Variants in NPAS3 observed in about 807,000 individuals in gnomAD.
NPAS3 encodes neuronal PAS domain protein 3.
In NPAS3, 14 loss-of-function variants were observed where a neutral mutation model predicts 73.1. The observed-to-expected ratio is 0.19, with a 90% CI of 0.13 to 0.30. The LOEUF is 0.30. Among genes scored for constraint, NPAS3 ranks in the 10% least tolerant of loss-of-function variants. The pLI, the probability that NPAS3 is intolerant of heterozygous loss-of-function variation, is 1.00. For synonymous variants in NPAS3, 620 were observed against 541.5 expected (o/e 1.14, Z -2.01); for missense variants, 1,096 against 1,250.0 (o/e 0.88, Z 1.86).
chr14:33,215,599 C>A, intron 3 of NPAS3, 173 bp downstream of exon 3: 2 of 781,818 alleles, frequency 2.6e-6, no homozygotes, highest in South Asian at 1.5e-5. Flanking sequence ...TGAAATAAAC[C>A]TCTTATTTTT....
chr14:33,118,883 C>G (rs902016889), intron 2 of NPAS3, among the ~76,000 whole-genome samples: 10 of 151,502 alleles, frequency 6.6e-5, no homozygotes, highest in Non-Finnish European at 1.0e-4. Flanking sequence ...CCTTTTTTCT[C>G]TGTTATCTAG....
At chr14:33,610,361 C>G (rs188976572) in intron 5 of NPAS3, among the ~76,000 whole-genome samples, 98 of 152,250 alleles carry the variant, frequency 6.4e-4, no homozygotes, top group Non-Finnish European at 8.7e-4. Context: ...GCCTCTCCAT[C>G]ATCTCCTCAT....
Position 33,022,643 on chromosome 14 carries a change from C to G in NPAS3, c.51-33262C>G, listed in dbSNP as rs537060708. On this transcript the variant is annotated intron_variant, in intron 1 of 11. Transcript: ENST00000356141. The stretch of plus-strand genomic sequence containing the variant: ...TCGCGCCACCGCACTCCAGCCTGGG[C>G]GACAGAGCGAGACTCCGTCCCAAAA... Among the ~76,000 whole-genome samples, 581 of 120,836 alleles carry G rather than the reference C, an allele frequency of 4.8e-3. 4 individuals carry two copies. The highest frequency in any genetic ancestry group is 0.022 in the Middle Eastern group (3 of 134). 79.3% of individuals were successfully genotyped at this position (120,836 alleles called of 152,430 possible).
At chr14:33,318,801 A>G (rs182101616) in intron 3 of NPAS3, among the ~76,000 whole-genome samples, 28 of 152,286 alleles carry the variant, frequency 1.8e-4, no homozygotes, top group Non-Finnish European at 1.3e-4. Flanking sequence ...CCTTCAAGTT[A>G]CAACTTAAAT....
At chr14:33,793,385 G>C (rs888470251) in intron 9 of NPAS3, among the ~76,000 whole-genome samples, 2 of 152,186 alleles carry the variant, frequency 1.3e-5, no homozygotes, top group African/African-American at 4.8e-5. Context: ...AATTCTGTTA[G>C]ACAAGATCAA....
At chr14:33,530,559 C>T (rs58128076) in intron 4 of NPAS3, among the ~76,000 whole-genome samples, 93 of 152,072 alleles carry the variant, frequency 6.1e-4, no homozygotes, top group African/African-American at 2.2e-3. Flanking sequence ...TTTGAAAAAC[C>T]CTTGACACAT....
intron 1 of NPAS3, among the ~76,000 whole-genome samples, chr14:33,010,328 C>T (rs1317760643): frequency 6.6e-6 from 1 of 152,080 alleles, no homozygotes; most frequent in Non-Finnish European, 1.5e-5. Flanking sequence ...AACTGCATAC[C>T]TATTATATTT....
chr14:33,722,641 T>C (rs1199278173), intron 6 of NPAS3, among the ~76,000 whole-genome samples: 1 of 152,028 alleles, frequency 6.6e-6, no homozygotes, highest in Non-Finnish European at 1.5e-5. Context: ...TGAAACTTAT[T>C]AGGATCATGA....
At chr14:33,564,511 G>C (rs12891882) in intron 5 of NPAS3, among the ~76,000 whole-genome samples, 35,985 of 152,138 alleles carry the variant, frequency 0.24, 4,330 homozygotes, top group African/African-American at 0.27. Context: ...CTGTGCGGAA[G>C]ACCATCGGAG....
At chr14:33,466,873 C>T (rs1469993503) in intron 4 of NPAS3, among the ~76,000 whole-genome samples, 1 of 152,128 alleles carries the variant, frequency 6.6e-6, no homozygotes, top group Non-Finnish European at 1.5e-5. Flanking sequence ...ACAGGCCCCA[C>T]CTCCGACACT....
At chr14:33,686,809 C>A (rs559330043) in intron 6 of NPAS3, among the ~76,000 whole-genome samples, 5 of 152,124 alleles carry the variant, frequency 3.3e-5, no homozygotes, top group African/African-American at 7.2e-5. Context: ...CCTGAGACCA[C>A]CAGCAGCTAG....
intron 4 of NPAS3, among the ~76,000 whole-genome samples, chr14:33,398,727 A>G (rs1296126890): frequency 6.6e-6 from 1 of 152,122 alleles, no homozygotes; most frequent in Non-Finnish European, 1.5e-5. Flanking sequence ...GTGCTCATCT[A>G]TTCTTTGGAA....
chr14:33,264,286 G>T (rs1028225545), intron 3 of NPAS3, among the ~76,000 whole-genome samples: 16 of 151,960 alleles, frequency 1.1e-4, no homozygotes, highest in African/African-American at 3.6e-4. Flanking sequence ...GTAGGGGGAG[G>T]GGGGAAGGAT....
At chr14:33,103,866 G>A (rs145861193) in intron 2 of NPAS3, among the ~76,000 whole-genome samples, 1 of 152,274 alleles carries the variant, frequency 6.6e-6, no homozygotes, top group East Asian at 1.9e-4. Flanking sequence ...TTCAGTGAGG[G>A]TAGAGCTGCA....
chr14:33,189,447 G>A (rs559404811), intron 2 of NPAS3, among the ~76,000 whole-genome samples: 1 of 152,296 alleles, frequency 6.6e-6, no homozygotes. Context: ...GCCCCATGGC[G>A]GCCTTTGTTA....
At chr14:33,189,872 A>T (rs1431992853) in intron 2 of NPAS3, among the ~76,000 whole-genome samples, 1 of 152,200 alleles carries the variant, frequency 6.6e-6, no homozygotes, top group African/African-American at 2.4e-5. Context: ...CTTTTTCATT[A>T]TCGATACATA....
At chr14:33,273,760 T>C (rs923752942) in intron 3 of NPAS3, among the ~76,000 whole-genome samples, 18 of 152,196 alleles carry the variant, frequency 1.2e-4, no homozygotes, top group African/African-American at 4.3e-4. Flanking sequence ...TGTAACTACC[T>C]GAAGGCAGGG....
chr14:33,453,897 C>T (rs1047563984), intron 4 of NPAS3, among the ~76,000 whole-genome samples: 5 of 152,188 alleles, frequency 3.3e-5, no homozygotes, highest in African/African-American at 1.2e-4. Flanking sequence ...ACCACGTTAG[C>T]CAGGCCGGTC....
At chr14:33,700,111 G>GTCTT (rs1480383366) in intron 6 of NPAS3, among the ~76,000 whole-genome samples, 1 of 152,108 alleles carries the variant, frequency 6.6e-6, no homozygotes, top group Middle Eastern at 3.2e-3. Flanking sequence ...AGCAATAATA[G>GTCTT]TCTTTGTAGG....
Sources: gnomAD v4.1 joint callset for allele counts (sites outside exome capture counted in the v4.1 genomes callset) on GRCh38, gnomAD v4.1.1 for gene constraint, MANE v1.5 for transcripts, NCBI Gene and HGNC (gene_info 2026-07-23, HGNC 2026-07-21) for gene names.